Variants in EHD4 observed in about 807,000 individuals in gnomAD.
The protein encoded by EHD4 is EH domain containing 4.
In EHD4, 37 loss-of-function variants were observed where a neutral mutation model predicts 51.0. That is an observed-to-expected ratio of 0.73 (90% CI 0.56 to 0.95). The LOEUF is 0.95. Ranked by LOEUF, EHD4 falls within the 40% of genes least tolerant of loss-of-function variation. The pLI is 0.00. For missense variants in EHD4, 632 were observed against 733.1 expected, an observed-to-expected ratio of 0.86 and a Z score of 1.59; for synonymous variants, 297 against 317.3, an observed-to-expected ratio of 0.94 and a Z score of 0.68.
intron 1 of EHD4, among the ~76,000 whole-genome samples, chr15:41,963,774 A>G (rs2067943070): frequency 6.6e-6 from 1 of 152,198 alleles, no homozygotes; most frequent in Admixed American, 6.5e-5. Flanking sequence ...GGCAAATTTC[A>G]AACTGGAAAA....
chr15:41,917,548 A>C (rs2140987771), intron 4 of EHD4, among the ~76,000 whole-genome samples: 1 of 152,352 alleles, frequency 6.6e-6, no homozygotes, highest in South Asian at 2.1e-4. Context: ...AAATCTGCAA[A>C]GGCTATGACA....
chr15:41,902,767 A>T (rs189239464), intron 5 of EHD4, among the ~76,000 whole-genome samples: 64 of 150,316 alleles, frequency 4.3e-4, no homozygotes, highest in African/African-American at 1.4e-3. Flanking sequence ...GTATACATAT[A>T]TGTATGTGTG....
At chr15:41,917,676 C>A (rs1177746975) in intron 4 of EHD4, among the ~76,000 whole-genome samples, 5 of 152,200 alleles carry the variant, frequency 3.3e-5, no homozygotes, top group Non-Finnish European at 7.4e-5. Flanking sequence ...AGTGGAAAAA[C>A]AGCCTTCCTG....
At chr15:41,903,453 TACACACACAC>T (rs146543286) in intron 5 of EHD4, among the ~76,000 whole-genome samples, 21,452 of 144,430 alleles carry the variant, frequency 0.15, 1,703 homozygotes, top group African/African-American at 0.22. Context: ...TTAACATACA[TACACACACAC>T]ACACACACAC....
At chr15:41,967,510 A>T (rs561592618) in intron 1 of EHD4, among the ~76,000 whole-genome samples, 8 of 152,332 alleles carry the variant, frequency 5.3e-5, no homozygotes, top group African/African-American at 1.9e-4. Flanking sequence ...TAAATATCTC[A>T]ATATTTTAGA....
intron 3 of EHD4, among the ~76,000 whole-genome samples, chr15:41,923,445 G>A (rs1008533313): frequency 2.6e-5 from 4 of 152,198 alleles, no homozygotes. Flanking sequence ...GCCTGCTAAA[G>A]GAAAACGGTG....
chr15:41,953,992 G>A, intron 1 of EHD4, 52 bp from the exon 2 acceptor site: 1 of 1,586,172 alleles, frequency 6.3e-7, no homozygotes, highest in Non-Finnish European at 8.5e-7. Context: ...CAAAGTAAGA[G>A]GCCAGAAAGC....
At chr15:41,964,759 GAAA>G (rs199934344) in intron 1 of EHD4, among the ~76,000 whole-genome samples, 50 of 102,134 alleles carry the variant, frequency 4.9e-4, no homozygotes, top group African/African-American at 1.4e-3. Context: ...ATATAAGCCT[GAAA>G]AAAAAAAAAA....
intron 5 of EHD4, among the ~76,000 whole-genome samples, chr15:41,906,634 G>C (rs1011197492): frequency 1.3e-5 from 2 of 152,242 alleles, no homozygotes; most frequent in Non-Finnish European, 2.9e-5. Flanking sequence ...CCATGGGCCA[G>C]AGTGGGGCAA....
intron 3 of EHD4, among the ~76,000 whole-genome samples, chr15:41,940,004 G>A (rs2140997729): frequency 6.6e-6 from 1 of 152,038 alleles, no homozygotes; most frequent in East Asian, 1.9e-4. Flanking sequence ...AAATAAATAG[G>A]GATGAGGTCT....
chr15:41,971,669 A>G (rs2141012607), intron 1 of EHD4, among the ~76,000 whole-genome samples: 1 of 152,320 alleles, frequency 6.6e-6, no homozygotes, highest in South Asian at 2.1e-4. Context: ...CGGCTGCTAC[A>G]CGCAGCTCAC....
chr15:41,957,352 A>G (rs1481660762), intron 1 of EHD4, among the ~76,000 whole-genome samples: 1 of 152,086 alleles, frequency 6.6e-6, no homozygotes, highest in Admixed American at 6.5e-5. Context: ...AGAAAAAATA[A>G]ACTCAAATGG....
intron 3 of EHD4, among the ~76,000 whole-genome samples, chr15:41,925,146 A>G (rs1443797347): frequency 6.6e-6 from 1 of 152,168 alleles, no homozygotes; most frequent in Non-Finnish European, 1.5e-5. Context: ...AAGAAAAGAA[A>G]GAAAAATCCC....
At chr15:41,903,385 T>A (rs78966916) in intron 5 of EHD4, among the ~76,000 whole-genome samples, 11,016 of 149,588 alleles carry the variant, frequency 0.074, 484 homozygotes, top group African/African-American at 0.099. Context: ...AAATAATTTA[T>A]AATCTCATCA....
chr15:41,959,983 G>C (rs1024679891), intron 1 of EHD4, among the ~76,000 whole-genome samples: 1 of 147,726 alleles, frequency 6.8e-6, no homozygotes, highest in African/African-American at 2.5e-5. Context: ...AAAAAAAGCA[G>C]TTTCTATTGT....
chr15:41,903,551 T>A (rs577770267), intron 5 of EHD4, among the ~76,000 whole-genome samples: 1 of 152,206 alleles, frequency 6.6e-6, no homozygotes, highest in African/African-American at 2.4e-5. Flanking sequence ...TATTAATTTT[T>A]ACATAACCTT....
intron 5 of EHD4, among the ~76,000 whole-genome samples, chr15:41,904,233 C>T (rs748942715): frequency 4.6e-5 from 7 of 152,156 alleles, no homozygotes; most frequent in Non-Finnish European, 1.0e-4. Context: ...CCGTGGATTC[C>T]GACTGCAGAG....
chr15:41,914,062 C>T (rs1463309634), intron 4 of EHD4, among the ~76,000 whole-genome samples: 1 of 141,224 alleles, frequency 7.1e-6, no homozygotes, highest in Non-Finnish European at 1.6e-5. Flanking sequence ...GTGTGTGCCT[C>T]CAAGACTGAG....
At chr15:41,904,005 G>A (rs1395025909) in intron 5 of EHD4, among the ~76,000 whole-genome samples, 1 of 152,032 alleles carries the variant, frequency 6.6e-6, no homozygotes, top group African/African-American at 2.4e-5. Flanking sequence ...GGGCCAAGGA[G>A]ATGGAAAAGA....
Sources: allele counts gnomAD v4.1 joint callset (sites outside exome capture counted in the v4.1 genomes callset), GRCh38; gene constraint gnomAD v4.1.1; transcripts MANE v1.5; gene names NCBI Gene and HGNC (gene_info 2026-07-23, HGNC 2026-07-21).